SIK3: variants seen among roughly 807,000 people sequenced by gnomAD.
SIK3 encodes the protein serine/threonine-protein kinase SIK3.
SIK3 carries 28 observed loss-of-function variants against 144.2 expected under a neutral mutation model. The ratio of observed to expected loss-of-function variants is 0.19; its 90% CI spans 0.14 to 0.27. The LOEUF (loss-of-function observed/expected upper bound fraction) is 0.27. Ranked by LOEUF, SIK3 falls within the 10% of genes least tolerant of loss-of-function variation. The pLI is 1.00. For synonymous variants in SIK3, 686 were observed against 676.3 expected (o/e 1.01, Z -0.22); for missense variants, 1,319 against 1,776.0 (o/e 0.74, Z 4.62).
intron 13 of SIK3, among the ~76,000 whole-genome samples, chr11:116,873,062 G>A (rs1012470081): frequency 2.0e-5 from 3 of 152,218 alleles, no homozygotes; most frequent in African/African-American, 7.2e-5. Flanking sequence ...TATCAATGGA[G>A]AAAGCATTAG....
intron 1 of SIK3, among the ~76,000 whole-genome samples, chr11:117,054,151 T>C (rs1953399521): frequency 6.6e-6 from 1 of 152,162 alleles, no homozygotes; most frequent in South Asian, 2.1e-4. Flanking sequence ...GTAGAAGATA[T>C]ATTTGAGACA....
At chr11:116,963,313 T>C (rs1949413163) in intron 1 of SIK3, among the ~76,000 whole-genome samples, 2 of 152,240 alleles carry the variant, frequency 1.3e-5, no homozygotes, top group Non-Finnish European at 2.9e-5. Context: ...CTGTTTGGTC[T>C]CAGGACTCCT....
chr11:117,094,264 C>T (rs183813407), intron 1 of SIK3, among the ~76,000 whole-genome samples: 4 of 152,164 alleles, frequency 2.6e-5, no homozygotes, highest in Non-Finnish European at 4.4e-5. Context: ...ATAGTTTAAA[C>T]GTATTTGGCC....
intron 1 of SIK3, among the ~76,000 whole-genome samples, chr11:117,007,044 T>C (rs1056134151): frequency 1.3e-5 from 2 of 152,200 alleles, no homozygotes; most frequent in African/African-American, 4.8e-5. Flanking sequence ...GGTGTTCCCT[T>C]TGGACATGCT....
At chr11:117,079,807 CAA>C (rs1413126219) in intron 1 of SIK3, among the ~76,000 whole-genome samples, 1 of 151,696 alleles carries the variant, frequency 6.6e-6, no homozygotes, top group African/African-American at 2.4e-5. Flanking sequence ...GACACACACA[CAA>C]AGTCAAAAGA....
chr11:116,897,216 C>G lies in SIK3; in HGVS notation c.718G>C (p.Asp240His). 1 of 1,614,040 alleles carries G rather than the reference C, an allele frequency of 6.2e-7. No individual in the cohort carries two copies. The highest frequency in any genetic ancestry group is 1.1e-5 in the South Asian group (1 of 91,070). The change falls in exon 5 of 25, where the codon GAT becomes CAT. Residue 240 changes from aspartate (D) to histidine (H), a missense_variant. Asp to His is a moderately conservative substitution (Grantham distance 81, BLOSUM62 -1). This residue lies in a region of SIK3 where 125 missense variants were observed against 285.2 expected (regional missense o/e 0.44). Coordinates refer to ENST00000445177, the MANE Select transcript of SIK3 (RefSeq NM_001366686.3). ...APELFEGKEYDGPKVDIWSLG... is the reference protein window; with the variant it reads ...APELFEGKEYHGPKVDIWSLG... The stretch of plus-strand genomic sequence containing the variant: ...ACCCAGATGTCCACTTTGGGCCCAT[C>G]ATATTCTTTTCCTTCAAAGAGTTCA...
At chr11:117,071,382 G>A (rs1288677899) in intron 1 of SIK3, among the ~76,000 whole-genome samples, 1 of 151,794 alleles carries the variant, frequency 6.6e-6, no homozygotes, top group African/African-American at 2.4e-5. Context: ...AGGACTACAT[G>A]AAGATCGGGC....
chr11:116,857,988 AC>A lies in SIK3; in HGVS notation c.3476del (p.Ser1159IlefsTer7). 1 of 1,614,184 alleles carries A rather than the reference AC, an allele frequency of 6.2e-7. No homozygotes were observed. Among genetic ancestry groups the A allele is most frequent in the Non-Finnish European group, 8.5e-7 (1 of 1,180,020 alleles). On this transcript the variant is annotated frameshift_variant, in exon 21 of 25. Coordinates refer to ENST00000445177, the MANE Select transcript of SIK3 (RefSeq NM_001366686.3). LOFTEE classifies it high-confidence loss of function. ...CEGAKDGFQD[S>X]KSSSTLTKGC... ...CTTTGGTCAATGTACTTGAACTCTTACTGTCTTGGAAGCCATCCTTGGCCCC... is the reference window on the plus strand; with the variant it reads ...CTTTGGTCAATGTACTTGAACTCTTATGTCTTGGAAGCCATCCTTGGCCCC...
At chr11:117,085,251 G>T (rs1954955733) in intron 1 of SIK3, among the ~76,000 whole-genome samples, 1 of 152,010 alleles carries the variant, frequency 6.6e-6, no homozygotes, top group African/African-American at 2.4e-5. Flanking sequence ...CAAGTAGCTA[G>T]AACTACAGCC....
intron 4 of SIK3, among the ~76,000 whole-genome samples, chr11:116,907,977 C>T (rs551907592): frequency 8.8e-5 from 11 of 125,352 alleles, no homozygotes; most frequent in East Asian, 8.3e-4. Flanking sequence ...AAAACTATCA[C>T]GTTTTTATTT....
In SIK3 at chr11:116,846,653, C is replaced by T; in HGVS notation, c.3953-100G>A. 7.3e-7 allele frequency: 1 copy of T among 1,370,952 alleles called. No individual in the cohort carries two copies. Among genetic ancestry groups the T allele is most frequent in the East Asian group, 2.4e-5 (1 of 42,102 alleles). 84.9% of individuals were successfully genotyped at this position (1,370,952 alleles called of 1,614,324 possible). A position where few individuals can be genotyped will look rare whatever the true frequency, so the allele number is the denominator to read the frequency against. On this transcript the variant is annotated intron_variant, in intron 23 of 24. Transcript: ENST00000445177. This position sits in a 1 kb window ranked among gnomAD's most constrained non-coding sequence, Gnocchi z 4.1. ...GAATTGAAGGCAACCTGTCGAGCAT[C>T]CCACAGCCTGACTCCCAGCCCTGAA...
At position 116,873,484 on chromosome 11, in the gene SIK3, T is replaced by A; in HGVS notation, c.1734A>T (p.Thr578=). Residue 578 remains threonine (T), a synonymous_variant, in exon 13 of 25, where the codon ACA becomes ACT. Transcript: ENST00000445177. ...PRGPSPLVTM[T]PAVPAVTPVD... ...TGGGCTCTGTGCTGCTACTCACTGG[T>A]GTCATGGTGACAAGCGGAGAGGGTC... 1.9e-6 allele frequency: 3 copies of A among 1,614,142 alleles called. No homozygotes were observed. Among genetic ancestry groups the A allele is most frequent in the Non-Finnish European group, 2.5e-6 (3 of 1,179,996 alleles).
intron 1 of SIK3, among the ~76,000 whole-genome samples, chr11:117,039,738 C>T (rs79340485): frequency 0.056 from 8,526 of 152,188 alleles, 519 homozygotes; most frequent in African/African-American, 0.15. Context: ...AAGTGCTTTA[C>T]ATGATCATCT....
At chr11:116,914,084 T>C (rs1005129993) in intron 4 of SIK3, among the ~76,000 whole-genome samples, 15 of 151,108 alleles carry the variant, frequency 9.9e-5, no homozygotes, top group African/African-American at 3.4e-4. Flanking sequence ...TATCTTAGAT[T>C]AAAGCTAATA....
Position 116,867,158 on chromosome 11 carries a change from A to G in SIK3, c.1952+788T>C, listed in dbSNP as rs1249614378. On this transcript the variant is annotated intron_variant, in intron 15 of 24. Coordinates refer to ENST00000445177, the MANE Select transcript of SIK3 (RefSeq NM_001366686.3). The surrounding 1 kb of genome is among the most constrained non-coding windows in gnomAD (Gnocchi z 4.1). ...GTCCTCCCCAAAAGACAGAAATAAA[A>G]TACGCTCTAGTAACTGGTGGTGGCT... Among the ~76,000 whole-genome samples, 1 of 152,210 alleles carries G rather than the reference A, an allele frequency of 6.6e-6. No individual in the cohort carries two copies. Among genetic ancestry groups the G allele is most frequent in the Non-Finnish European group, 1.5e-5 (1 of 68,040 alleles).
intron 1 of SIK3, among the ~76,000 whole-genome samples, chr11:117,080,669 T>C (rs7106662): frequency 0.4 from 60,059 of 152,016 alleles, 15,074 homozygotes; most frequent in African/African-American, 0.72. Flanking sequence ...AAATCTGGGC[T>C]GGGCACGCTG....
rs2134293780 is a variant in SIK3, at chr11:116,849,257, T to C, written c.3682A>G (p.Arg1228Gly). The C allele has an allele frequency of 6.2e-7, 1 of 1,614,244 alleles. No individual in the cohort carries two copies. Among genetic ancestry groups the C allele is most frequent in the East Asian group, 2.2e-5 (1 of 44,890 alleles). ...TCCACTGCTTGTCCTGGAGAACTTC[T>C]ATCCATGCAGTTCCCTATGACAGGC... Reference protein sequence around the residue: ...REPVIGNCMDRSSPGQAVELP... With the variant: ...REPVIGNCMDGSSPGQAVELP... Residue 1228 changes from arginine (R) to glycine (G), a missense_variant, in exon 22 of 25, where the codon AGA becomes GGA. Coordinates refer to ENST00000445177, the MANE Select transcript of SIK3 (RefSeq NM_001366686.3). This position sits in a 1 kb window ranked among gnomAD's most constrained non-coding sequence, Gnocchi z 4.2.
chr11:116,867,893 G>A lies in SIK3; in HGVS notation c.1952+53C>T, dbSNP rs1943734835. 3.4e-6 allele frequency: 5 copies of A among 1,453,252 alleles called. No homozygotes were observed. In the Middle Eastern group the frequency reaches 5.7e-4, roughly 164 times the overall value. 90.0% of individuals were successfully genotyped at this position (1,453,252 alleles called of 1,614,324 possible). A position where few individuals can be genotyped will look rare whatever the true frequency, so the allele number is the denominator to read the frequency against. On this transcript the variant is annotated intron_variant, in intron 15 of 24. Transcript: ENST00000445177. This position sits in a 1 kb window ranked among gnomAD's most constrained non-coding sequence, Gnocchi z 4.1. Reference sequence around the variant, plus strand: ...CCGTCGCTGTGAGACTAATCAGAAGGGTGCCTGTCCGATGAGCCTCAAGGA... The same window carrying A: ...CCGTCGCTGTGAGACTAATCAGAAGAGTGCCTGTCCGATGAGCCTCAAGGA...
intron 1 of SIK3, among the ~76,000 whole-genome samples, chr11:116,995,830 T>C (rs1950646608): frequency 6.6e-6 from 1 of 152,144 alleles, no homozygotes; most frequent in Admixed American, 6.5e-5. Context: ...TAAGCCTTTA[T>C]TTCACTTGCT....
Sources: allele counts gnomAD v4.1 joint callset (sites outside exome capture counted in the v4.1 genomes callset), GRCh38; gene constraint gnomAD v4.1.1; regional missense constraint gnomAD v4.1.1; non-coding constraint Gnocchi (gnomAD v3.1); transcripts MANE v1.5; gene names NCBI Gene and HGNC (gene_info 2026-07-23, HGNC 2026-07-21).